Variants in APOB observed in about 807,000 individuals in gnomAD.
The protein encoded by APOB is apolipoprotein B-100.
APOB carries 153 observed loss-of-function variants against 314.1 expected under a neutral mutation model. The observed-to-expected ratio is 0.49, with a 90% CI of 0.43 to 0.56. The LOEUF is 0.56. APOB is among the 20% of genes least tolerant of loss of function. APOB has a pLI of 0.00. For missense variants in APOB, 5,430 were observed against 5,350.7 expected (o/e 1.01, Z -0.46); for synonymous variants, 2,087 against 2,036.4 (o/e 1.02, Z -0.67).
chr2:21,014,958 G>A, intron 23 of APOB, 115 bp downstream of exon 23: 1 of 1,136,072 alleles, frequency 8.8e-7, no homozygotes, highest in East Asian at 2.4e-5. Flanking sequence ...AATTCCCTGG[G>A]GGGAAGGAAG....
intron 20 of APOB, among the ~76,000 whole-genome samples, chr2:21,018,517 C>T (rs1663529196): frequency 6.6e-6 from 1 of 152,122 alleles, no homozygotes; most frequent in African/African-American, 2.4e-5. Flanking sequence ...GCCTCAGGGC[C>T]TTTGCACTTG....
intron 28 of APOB, 22 bp from the exon 29 acceptor site, chr2:21,003,356 A>T (rs1194683428): frequency 6.2e-7 from 1 of 1,601,502 alleles, no homozygotes; most frequent in Non-Finnish European, 8.5e-7. Context: ...GAAAAAAAAA[A>T]ATAACATGTT....
At position 21,006,795 on chromosome 2, in the gene APOB, T is replaced by G; in HGVS notation, c.10073A>C (p.Asn3358Thr). 6.2e-7 allele frequency: 1 copy of G among 1,614,072 alleles called. No homozygotes were observed. The highest frequency in any genetic ancestry group is 8.5e-7 in the Non-Finnish European group (1 of 1,179,972). The change falls in exon 26 of 29, where the codon AAC (asparagine) becomes ACC (threonine). Residue 3358 changes from asparagine (N) to threonine (T), a missense_variant. Asn to Thr is a moderately conservative substitution (Grantham distance 65). Around this residue, in one of 3 missense-constraint regions of APOB, gnomAD observed 3,281 missense variants for 3,171.0 expected, o/e 1.03. Transcript: ENST00000233242. ...GAGATGAGCAACAATATCTGACTGG[T>G]TAAAAAGTTCAGCATTGGTATTCAG... Reference protein sequence around the residue: ...ITLNTNAELFNQSDIVAHLLS... With the variant: ...ITLNTNAELFTQSDIVAHLLS...
At chr2:21,043,790 G>A in intron 1 of APOB, 74 bp downstream of exon 1, 1 of 1,521,380 alleles carries the variant, frequency 6.6e-7, no homozygotes, top group Non-Finnish European at 8.8e-7. Context: ...CCTAGGCCCA[G>A]GCTGCCCCGG....
At position 21,019,033 on chromosome 2, in the gene APOB, C is replaced by T; in HGVS notation, c.3080G>A (p.Arg1027Lys). 1 of 1,614,110 alleles carries T rather than the reference C, an allele frequency of 6.2e-7. No individual in the cohort carries two copies. Among genetic ancestry groups the T allele is most frequent in the Non-Finnish European group, 8.5e-7 (1 of 1,180,022 alleles). The change falls in exon 20 of 29, where the codon AGA becomes AAA. Residue 1027 changes from arginine to lysine, a missense_variant. Physicochemically the swap from Arg to Lys is conservative, Grantham distance 26 (BLOSUM62 2). This residue lies in a region of APOB where 2,085 missense variants were observed against 2,079.7 expected (regional missense o/e 1.00). Coordinates refer to ENST00000233242, the MANE Select transcript of APOB (RefSeq NM_000384.3). ...SATYELQRED[R>K]ALVDTLKFVT... ...AAACTTCAGGGTATCCACCAAGGCT[C>T]TGTCCTCTCTCTGGAGCTCATAGGT...
At position 21,006,128 on chromosome 2, in the gene APOB, G is replaced by C. The variant is rs150312765; in HGVS notation, c.10740C>G (p.Asn3580Lys). 70 of 1,613,808 alleles carry C rather than the reference G, an allele frequency of 4.3e-5. No homozygotes were observed. Among genetic ancestry groups the C allele is most frequent in the Non-Finnish European group, 1.0e-5 (12 of 1,179,956 alleles). ...HLQLEGLFFTNGEHTSKATLE... is the reference protein window; with the variant it reads ...HLQLEGLFFTKGEHTSKATLE... ...GGGTGGCTTTGCTTGTATGTTCTCC[G>C]TTGGTGAAAAAGAGGCCCTCTAGCT... is the stretch of plus-strand genomic sequence containing the variant. Residue 3580 changes from asparagine (N) to lysine (K), a missense_variant, in exon 26 of 29, where the codon AAC becomes AAG. Asn to Lys is a moderately conservative substitution (Grantham distance 94, BLOSUM62 0). Around this residue, in one of 3 missense-constraint regions of APOB, gnomAD observed 3,281 missense variants for 3,171.0 expected, o/e 1.03. Transcript: ENST00000233242.
chr2:21,003,357 A>G, intron 28 of APOB, 23 bp from the exon 29 acceptor site: 1 of 1,589,664 alleles, frequency 6.3e-7, no homozygotes, highest in Non-Finnish European at 8.6e-7. Context: ...AAAAAAAAAA[A>G]TAACATGTTT....
Position 21,006,246 on chromosome 2 carries a change from A to G in APOB, c.10622T>C (p.Ile3541Thr). 6.2e-7 allele frequency: 1 copy of G among 1,614,066 alleles called. No individual in the cohort carries two copies. Among genetic ancestry groups the G allele is most frequent in the African/African-American group, 1.3e-5 (1 of 75,024 alleles). The change falls in exon 26 of 29, where the codon ATC becomes ACC. Residue 3541 changes from isoleucine to threonine, a missense_variant. Physicochemically the swap from Ile to Thr is moderately conservative, Grantham distance 89. Around this residue, in one of 3 missense-constraint regions of APOB, gnomAD observed 3,281 missense variants for 3,171.0 expected, o/e 1.03. Transcript: ENST00000233242. Reference sequence around the variant, plus strand: ...ATTTTCTTTTACTTCAAGGTTCCAGATATCATCAATTTTGGAAGTGCCCTG... The same window carrying G: ...ATTTTCTTTTACTTCAAGGTTCCAGGTATCATCAATTTTGGAAGTGCCCTG... Reference protein sequence around the residue: ...KLQGTSKIDDIWNLEVKENFA... With the variant: ...KLQGTSKIDDTWNLEVKENFA...
Position 21,010,226 on chromosome 2 carries a change from CTCA to C in APOB, c.6639_6641del (p.Asp2213del), listed in dbSNP as rs541497967. 6,385 of 1,561,718 alleles carry C rather than the reference CTCA, an allele frequency of 4.1e-3. 42 individuals carry two copies. Among genetic ancestry groups the C allele is most frequent in the Non-Finnish European group, 4.1e-3 (4,762 of 1,155,158 alleles). On this transcript the variant is annotated inframe_deletion, in exon 26 of 29. Transcript: ENST00000233242. ...CTAAATTTACACGGATATGATAGTG[CTCA>C]TCAAGACTTTTTAATTTTTCAATGA...
rs72653101 is a variant in APOB at position 21,007,547 on chromosome 2, G to T, written c.9321C>A (p.Asn3107Lys). The T allele has an allele frequency of 1.2e-6, 2 of 1,614,004 alleles. No homozygotes were observed. The highest frequency in any genetic ancestry group is 1.3e-5 in the African/African-American group (1 of 75,030). Reference sequence around the variant, plus strand: ...CTACATGGGCCTCCATAATGTTCTCGTTGTTTCCAGCAGAGAAATTTTGGT... The same window carrying T: ...CTACATGGGCCTCCATAATGTTCTCTTTGTTTCCAGCAGAGAAATTTTGGT... The part of the protein sequence containing the change: ...KYNQNFSAGN[N>K]ENIMEAHVGI... The change falls in exon 26 of 29, where the codon AAC (asparagine) becomes AAA (lysine). Residue 3107 changes from asparagine to lysine, a missense_variant. Physicochemically the swap from Asn to Lys is moderately conservative, Grantham distance 94. This residue lies in a region of APOB where 3,281 missense variants were observed against 3,171.0 expected (regional missense o/e 1.03). Coordinates refer to ENST00000233242, the MANE Select transcript of APOB (RefSeq NM_000384.3).
At position 21,009,256 on chromosome 2, in the gene APOB, G is replaced by A. The variant is rs72653093; in HGVS notation, c.7612C>T (p.Leu2538=). ...IQQELQRYLS[L]VGQVYSTLVT... is the part of the protein sequence containing the mutation. ...AGTGTGCTATAAACCTGGCCTACCAGAGACAGGTATCGTTGAAGTTCCTGC... is the reference window on the plus strand; with the variant it reads ...AGTGTGCTATAAACCTGGCCTACCAAAGACAGGTATCGTTGAAGTTCCTGC... The change falls in exon 26 of 29, where the codon CTG becomes TTG. Residue 2538 remains leucine, a synonymous_variant. Transcript: ENST00000233242. The A allele has an allele frequency of 1.5e-3, 2,412 of 1,614,080 alleles. 1 individual carries two copies. The highest frequency in any genetic ancestry group is 1.8e-3 in the Non-Finnish European group (2,095 of 1,179,966).
intron 1 of APOB, 36 bp downstream of exon 1, chr2:21,043,828 G>C: frequency 6.5e-7 from 1 of 1,533,618 alleles, no homozygotes; most frequent in Non-Finnish European, 8.7e-7. Flanking sequence ...GCTCCCTCCC[G>C]CTCCCTCTGC....
Position 21,041,066 on chromosome 2 carries a change from G to C in APOB, c.255C>G (p.Pro85=). 9.3e-6 allele frequency: 15 copies of C among 1,612,374 alleles called. No individual in the cohort carries two copies. Among genetic ancestry groups the C allele is most frequent in the Non-Finnish European group, 1.3e-5 (15 of 1,179,754 alleles). ...TCTTCAGGATGAAGCTGCAGAGCTGGGGAACCTCCAGCTCAACCTGAGAAT... is the reference window on the plus strand; with the variant it reads ...TCTTCAGGATGAAGCTGCAGAGCTGCGGAACCTCCAGCTCAACCTGAGAAT... The part of the protein sequence containing the change: ...RINCKVELEV[P]QLCSFILKTS... The change falls in exon 4 of 29, where the codon CCC becomes CCG. Residue 85 remains proline (P), a synonymous_variant. Transcript: ENST00000233242.
At position 21,006,884 on chromosome 2, in the gene APOB, A is replaced by G. The variant is rs373961552; in HGVS notation, c.9984T>C (p.His3328=). The G allele has an allele frequency of 1.2e-6, 2 of 1,614,114 alleles. No individual in the cohort carries two copies. The highest frequency in any genetic ancestry group is 1.7e-6 in the Non-Finnish European group (2 of 1,179,964). The change falls in exon 26 of 29, where the codon CAT becomes CAC. Residue 3328 remains histidine (H), a synonymous_variant. Transcript: ENST00000233242. ...TATTGCCCATGGCAGGAATAAAAAT[A>G]TGGCTTATGGTACACAATTCCTTGA... is the stretch of plus-strand genomic sequence containing the variant. The part of the protein sequence containing the change: ...PDFKELCTIS[H]IFIPAMGNIT...
intron 28 of APOB, 148 bp downstream of exon 28, chr2:21,004,121 A>C: frequency 1.3e-6 from 1 of 770,792 alleles, no homozygotes; most frequent in Non-Finnish European, 2.2e-6. Context: ...AATACTTTCT[A>C]GAGAATATTT....
At chr2:21,034,767 G>T (rs766471141) in intron 8 of APOB, 49 bp downstream of exon 8, 2 of 1,035,852 alleles carry the variant, frequency 1.9e-6, no homozygotes, top group South Asian at 1.3e-5. Flanking sequence ...GCCATGATAG[G>T]CACATCTTGA....
Position 21,032,538 on chromosome 2 carries a change from A to T in APOB, c.1168T>A (p.Cys390Ser). The T allele has an allele frequency of 4.3e-6, 7 of 1,614,216 alleles. No homozygotes were observed. Among genetic ancestry groups the T allele is most frequent in the Non-Finnish European group, 5.9e-6 (7 of 1,180,038 alleles). The change falls in exon 10 of 29, where the codon TGC becomes AGC. Residue 390 changes from cysteine (C) to serine (S), a missense_variant. Cys to Ser is a moderately radical substitution (Grantham distance 112). This residue lies in a region of APOB where 2,085 missense variants were observed against 2,079.7 expected (regional missense o/e 1.00). Coordinates refer to ENST00000233242, the MANE Select transcript of APOB (RefSeq NM_000384.3). ...AGCCACTGGAGGATGTGAGTGGAGC[A>T]CTGAGGCTGTCCACACTGAACCAAG... ...QALVQCGQPQ[C>S]STHILQWLKR...
In APOB at chr2:21,009,007, G is replaced by A. The variant is rs1315036450; in HGVS notation, c.7861C>T (p.Leu2621=). ...ACTGATGGAATCCTCAAATCTGTTA[G>A]GGGGACTATAAAATCAGGTGTCTGG... The part of the protein sequence containing the change: ...TFQTPDFIVP[L]TDLRIPSVQI... The change falls in exon 26 of 29, where the codon CTA becomes TTA. Residue 2621 remains leucine, a synonymous_variant. Coordinates refer to ENST00000233242, the MANE Select transcript of APOB (RefSeq NM_000384.3). The A allele has an allele frequency of 6.2e-7, 1 of 1,614,028 alleles. No individual in the cohort carries two copies. Among genetic ancestry groups the A allele is most frequent in the East Asian group, 2.2e-5 (1 of 44,880 alleles).
chr2:21,041,056 T>C lies in APOB; in HGVS notation c.265A>G (p.Ser89Gly). ...KVELEVPQLC[S>G]FILKTSQCTL... ...CACTGGCTGGTCTTCAGGATGAAGC[T>C]GCAGAGCTGGGGAACCTCCAGCTCA... Residue 89 changes from serine to glycine, a missense_variant, in exon 4 of 29, where the codon AGC becomes GGC. Coordinates refer to ENST00000233242, the MANE Select transcript of APOB (RefSeq NM_000384.3). The C allele has an allele frequency of 1.2e-6, 2 of 1,612,826 alleles. No individual in the cohort carries two copies. Among genetic ancestry groups the C allele is most frequent in the Non-Finnish European group, 1.7e-6 (2 of 1,179,826 alleles).
Sources: allele counts gnomAD v4.1 joint callset (sites outside exome capture counted in the v4.1 genomes callset), GRCh38; gene constraint gnomAD v4.1.1; regional missense constraint gnomAD v4.1.1; transcripts MANE v1.5; gene names NCBI Gene and HGNC (gene_info 2026-07-23, HGNC 2026-07-21).